The following SP4 variants were observed in gnomAD, a reference collection of about 807,000 sequenced individuals.
SP4 encodes the protein Sp4 transcription factor, also known as transcription factor Sp4.
In SP4, 19 loss-of-function variants were observed where a neutral mutation model predicts 72.8. The ratio of observed to expected loss-of-function variants is 0.26; its 90% confidence interval spans 0.18 to 0.38. The LOEUF (loss-of-function observed/expected upper bound fraction) is 0.38, where lower values mean the gene tolerates loss of function less well. Among genes scored for constraint, SP4 ranks in the 10% least tolerant of loss-of-function variants. SP4 has a pLI of 1.00. For missense variants in SP4, 1,008 were observed against 926.3 expected (o/e 1.09, Z -1.14); for synonymous variants, 395 against 333.1 (o/e 1.19, Z -2.02).
intron 3 of SP4, among the ~76,000 whole-genome samples, chr7:21,444,162 A>T (rs1278923888): frequency 6.6e-6 from 1 of 152,202 alleles, no homozygotes; most frequent in Non-Finnish European, 1.5e-5. Flanking sequence ...TCAGCAAGTA[A>T]ATACTCAGCA....
At chr7:21,466,271 C>T (rs1312469120) in intron 3 of SP4, among the ~76,000 whole-genome samples, 2 of 152,172 alleles carry the variant, frequency 1.3e-5, no homozygotes, top group Non-Finnish European at 2.9e-5. Context: ...ATAAATCTCA[C>T]TTCTATACTA....
At chr7:21,477,592 A>G (rs747873340) in intron 4 of SP4, among the ~76,000 whole-genome samples, 7 of 140,438 alleles carry the variant, frequency 5.0e-5, no homozygotes, top group Non-Finnish European at 1.1e-4. Context: ...GCTGGAGTGC[A>G]GTGGTGCAAT....
At chr7:21,429,142 G>A (rs1362080855) in intron 2 of SP4, 147 bp from the exon 3 acceptor site, 1 of 595,330 alleles carries the variant, frequency 1.7e-6, no homozygotes, top group African/African-American at 1.9e-5. Context: ...ATCTACTTTT[G>A]TTCGTATTTC....
In SP4 at chr7:21,514,759, T is replaced by C. The variant is rs1782227800; in HGVS notation, c.*3490T>C. On this transcript the variant is annotated 3_prime_UTR_variant, in exon 6 of 6. Transcript: ENST00000222584. Reference sequence around the variant, plus strand: ...AACCTATTAAAAATTCCCTTGAGTTTAACATGTTTCATTTAATTATGTATA... The same window carrying C: ...AACCTATTAAAAATTCCCTTGAGTTCAACATGTTTCATTTAATTATGTATA... 1 of 152,202 alleles carries C rather than the reference T, an allele frequency of 6.6e-6. No individual in the cohort carries two copies. The highest frequency in any genetic ancestry group is 2.4e-5 in the African/African-American group (1 of 41,462). 9.4% of individuals were successfully genotyped at this position (152,202 alleles called of 1,614,324 possible).
At chr7:21,428,442 C>G (rs1334564939) in intron 1 of SP4, among the ~76,000 whole-genome samples, 184 bp downstream of exon 1, 5 of 152,066 alleles carry the variant, frequency 3.3e-5, no homozygotes, top group African/African-American at 1.2e-4. Flanking sequence ...TGAGAGAGAA[C>G]AACCTCCTTC....
intron 5 of SP4, among the ~76,000 whole-genome samples, chr7:21,509,986 A>C (rs976551338): frequency 5.3e-5 from 8 of 152,204 alleles, no homozygotes; most frequent in Non-Finnish European, 8.8e-5. Context: ...GCAGGCAAAG[A>C]GAGAATAAGG....
rs139643410 is a variant in SP4 at position 21,476,917 on chromosome 7, A to T, written c.1679-162A>T. On this transcript the variant is annotated intron_variant, in intron 3 of 5. Transcript: ENST00000222584. ...CCTGAGCCACTAAAGTAAGAATACT[A>T]TATTTTAGAAGGATTGACATAGTAT... 3.3e-5 allele frequency among the ~76,000 whole-genome samples: 5 copies of T among 152,220 alleles called. No homozygotes were observed. The East Asian group carries it at 5.8e-4, about 18-fold the overall frequency.
At chr7:21,486,111 T>G (rs1276384262) in intron 5 of SP4, among the ~76,000 whole-genome samples, 1 of 151,994 alleles carries the variant, frequency 6.6e-6, no homozygotes, top group Non-Finnish European at 1.5e-5. Context: ...TACATTCTCT[T>G]AAAACATTGT....
Position 21,430,221 on chromosome 7 carries a change from C to G in SP4, c.1056C>G (p.Ala352=), listed in dbSNP as rs1562580178. ...CTGGCCAGTATGCAAGCACATCAGC[C>G]AGTAGTTCTGAACGCACCATTGAAG... The part of the protein sequence containing the change: ...ADTGQYASTS[A]SSSERTIEES... Residue 352 remains alanine (A), a synonymous_variant, in exon 3 of 6, where the codon GCC becomes GCG. Coordinates refer to ENST00000222584, the MANE Select transcript of SP4 (RefSeq NM_003112.5). 2 of 1,614,170 alleles carry G rather than the reference C, an allele frequency of 1.2e-6. No individual in the cohort carries two copies. The highest frequency in any genetic ancestry group is 4.5e-5 in the East Asian group (2 of 44,894).
Position 21,428,098 on chromosome 7 carries a change from C to T in SP4, c.-154C>T. 1.5e-6 allele frequency: 1 copy of T among 676,100 alleles called. No homozygotes were observed. 41.9% of individuals were successfully genotyped at this position (676,100 alleles called of 1,614,324 possible). ...CTGCTACGCCACAGCCCAGCGGCGG[C>T]CATTCGCGGAAAAAGAGGCAGAGCC... On this transcript the variant is annotated 5_prime_UTR_variant, in exon 1 of 6. Coordinates refer to ENST00000222584, the MANE Select transcript of SP4 (RefSeq NM_003112.5).
In SP4 at chr7:21,429,658, T is replaced by C; in HGVS notation, c.493T>C (p.Tyr165His). Reference protein sequence around the residue: ...QVQNPSGSVQYQVIPQLQTVE... With the variant: ...QVQNPSGSVQHQVIPQLQTVE... ...ACAAAATCCAAGTGGTAGTGTACAGTACCAAGTAATTCCACAACTTCAGAC... is the reference window on the plus strand; with the variant it reads ...ACAAAATCCAAGTGGTAGTGTACAGCACCAAGTAATTCCACAACTTCAGAC... Residue 165 changes from tyrosine to histidine, a missense_variant, in exon 3 of 6, where the codon TAC becomes CAC. Tyr to His is a moderately conservative substitution (Grantham distance 83, BLOSUM62 2). Transcript: ENST00000222584. 6.2e-7 allele frequency: 1 copy of C among 1,614,106 alleles called. No individual in the cohort carries two copies. Among genetic ancestry groups the C allele is most frequent in the Non-Finnish European group, 8.5e-7 (1 of 1,179,946 alleles).
intron 5 of SP4, among the ~76,000 whole-genome samples, chr7:21,484,993 G>A (rs2128411938): frequency 6.6e-6 from 1 of 151,696 alleles, no homozygotes; most frequent in Non-Finnish European, 1.5e-5. Context: ...TACTTTCAGT[G>A]GTTCAAACAT....
At chr7:21,476,861 A>C (rs1211269891) in intron 3 of SP4, among the ~76,000 whole-genome samples, 1 of 152,194 alleles carries the variant, frequency 6.6e-6, no homozygotes, top group Non-Finnish European at 1.5e-5. Context: ...TGATGTATGT[A>C]TATAGTTCCG....
At chr7:21,439,129 T>C (rs1286529290) in intron 3 of SP4, among the ~76,000 whole-genome samples, 1 of 152,194 alleles carries the variant, frequency 6.6e-6, no homozygotes, top group East Asian at 1.9e-4. Context: ...GGGGGACTGC[T>C]CTAGCTCTTT....
At chr7:21,501,795 T>C (rs936860081) in intron 5 of SP4, among the ~76,000 whole-genome samples, 12 of 152,206 alleles carry the variant, frequency 7.9e-5, no homozygotes, top group Admixed American at 5.2e-4. Context: ...CCACCCAGCA[T>C]AACACATACG....
chr7:21,510,608 G>A (rs573344568), intron 5 of SP4, among the ~76,000 whole-genome samples: 4 of 152,264 alleles, frequency 2.6e-5, no homozygotes, highest in African/African-American at 9.6e-5. Flanking sequence ...GATATTTCAT[G>A]CCTCCAAGAT....
intron 3 of SP4, among the ~76,000 whole-genome samples, chr7:21,438,642 T>C (rs1783129586): frequency 1.3e-5 from 2 of 152,230 alleles, no homozygotes; most frequent in Admixed American, 6.5e-5. Flanking sequence ...TCCTCTTATC[T>C]GTGGGTTCTG....
chr7:21,507,989 GTACT>G (rs1297677466), intron 5 of SP4, among the ~76,000 whole-genome samples: 1 of 152,084 alleles, frequency 6.6e-6, no homozygotes, highest in African/African-American at 2.4e-5. Context: ...CACCAAGACA[GTACT>G]TACAGTCCAA....
chr7:21,506,906 A>G (rs1452150742), intron 5 of SP4, among the ~76,000 whole-genome samples: 2 of 152,088 alleles, frequency 1.3e-5, no homozygotes, highest in Admixed American at 6.5e-5. Flanking sequence ...TTTAATTATT[A>G]GTTCCTGGAG....
Sources: allele counts gnomAD v4.1 joint callset (sites outside exome capture counted in the v4.1 genomes callset), GRCh38; gene constraint gnomAD v4.1.1; transcripts MANE v1.5; gene names NCBI Gene and HGNC (gene_info 2026-07-23, HGNC 2026-07-21).